CFH: variants seen among roughly 807,000 people sequenced by gnomAD.
The protein encoded by CFH is H factor 1 (complement).
CFH carries 53 observed loss-of-function variants against 147.3 expected under a neutral mutation model. That is an observed-to-expected ratio of 0.36 (90% CI 0.29 to 0.45). The LOEUF is 0.45. CFH is among the 20% of genes least tolerant of loss of function. The probability of loss-of-function intolerance (pLI) is 1.00; values close to 1 mark genes in which losing one functional copy is unlikely to be tolerated. For missense variants in CFH, 1,380 were observed against 1,498.0 expected (o/e 0.92, Z 1.30); for synonymous variants, 536 against 489.4 (o/e 1.10, Z -1.26).
rs375599866 is a variant in CFH, at chr1:196,668,535, CAT to C, written c.59-4442_59-4441del. 2.7e-3 allele frequency among the ~76,000 whole-genome samples: 405 copies of C among 152,240 alleles called. 2 individuals carry two copies. Among genetic ancestry groups the C allele is most frequent in the East Asian group, 0.014 (70 of 5,170 alleles). ...TAAATTATAATCTCCATAATCATCA[CAT>C]GTCAAGGGAGGAACTCAGTGGGAGG... On this transcript the variant is annotated intron_variant, in intron 1 of 21. Coordinates refer to ENST00000367429, the MANE Select transcript of CFH (RefSeq NM_000186.4).
intron 19 of CFH, among the ~76,000 whole-genome samples, chr1:196,742,567 G>A (rs1402291062): frequency 6.6e-6 from 1 of 152,112 alleles, no homozygotes; most frequent in African/African-American, 2.4e-5. Context: ...ATTAATCTTA[G>A]CTCAATAGTT....
intron 1 of CFH, among the ~76,000 whole-genome samples, chr1:196,665,202 A>G (rs1238208565): frequency 1.3e-5 from 2 of 151,668 alleles, no homozygotes; most frequent in Non-Finnish European, 2.9e-5. Flanking sequence ...TGTTAAGAAT[A>G]ATTTTTCAGT....
At position 196,730,767 on chromosome 1, in the gene CFH, G is replaced by A. The variant is rs1265078743; in HGVS notation, c.2413+2245G>A. Among the ~76,000 whole-genome samples the A allele has an allele frequency of 2.6e-5, 4 of 151,648 alleles. No individual in the cohort carries two copies. In the South Asian group the frequency reaches 6.2e-4, roughly 24 times the overall value. On this transcript the variant is annotated intron_variant, in intron 15 of 21. Transcript: ENST00000367429. ...ATATATTTAGTTGCTTTGATGTTGGGTGCATATATAGGTTTATAATAGTTG... is the reference window on the plus strand; with the variant it reads ...ATATATTTAGTTGCTTTGATGTTGGATGCATATATAGGTTTATAATAGTTG...
chr1:196,720,608 CATG>C, intron 11 of CFH, among the ~76,000 whole-genome samples: 1 of 152,014 alleles, frequency 6.6e-6, no homozygotes, highest in East Asian at 1.9e-4. Context: ...CTTCTGAAGG[CATG>C]ATTTTATTCT....
intron 1 of CFH, among the ~76,000 whole-genome samples, chr1:196,664,168 G>C (rs561976459): frequency 9.9e-5 from 15 of 152,028 alleles, no homozygotes; most frequent in African/African-American, 3.6e-4. Context: ...AGACCCTCCT[G>C]TCCCAGCCTC....
At chr1:196,705,852 G>A (rs1048663) in intron 9 of CFH, among the ~76,000 whole-genome samples, 24,572 of 152,078 alleles carry the variant, frequency 0.16, 2,498 homozygotes, top group East Asian at 0.48. Flanking sequence ...GACTGAATAG[G>A]TATCAGGTCA....
intron 12 of CFH, among the ~76,000 whole-genome samples, chr1:196,725,936 A>G (rs1669126405): frequency 6.6e-6 from 1 of 152,210 alleles, no homozygotes; most frequent in Non-Finnish European, 1.5e-5. Flanking sequence ...CATTTAAACC[A>G]TACTAGTGGC....
chr1:196,740,214 G>A (rs968794608), intron 17 of CFH, among the ~76,000 whole-genome samples: 1 of 152,134 alleles, frequency 6.6e-6, no homozygotes, highest in African/African-American at 2.4e-5. Context: ...TCTGCAAGTT[G>A]TCATGTTTGC....
chr1:196,684,652 C>T (rs1314783541), intron 6 of CFH, among the ~76,000 whole-genome samples: 3 of 151,926 alleles, frequency 2.0e-5, no homozygotes, highest in Non-Finnish European at 4.4e-5. Context: ...ACAGTTACTT[C>T]AAAGAGGAAG....
At chr1:196,706,975 A>T (rs399469) in intron 9 of CFH, among the ~76,000 whole-genome samples, 100,882 of 151,390 alleles carry the variant, frequency 0.67, 34,511 homozygotes, top group East Asian at 0.95. Context: ...TGTCTGAGCT[A>T]ATGAGAGCCT....
chr1:196,689,089 C>T (rs1667935224), intron 7 of CFH, among the ~76,000 whole-genome samples: 1 of 151,910 alleles, frequency 6.6e-6, no homozygotes. Context: ...ATTTCTCAAC[C>T]GAAAAGCTTA....
In CFH at chr1:196,741,903, T is replaced by A; in HGVS notation, c.2985T>A (p.Phe995Leu). Residue 995 changes from phenylalanine (F) to leucine (L), a missense_variant, in exon 19 of 22, where the codon TTT becomes TTA. By Grantham distance (22) the Phe-to-Leu change is conservative. This residue lies in a region of CFH where 830 missense variants were observed against 821.4 expected (regional missense o/e 1.01). Transcript: ENST00000367429. The stretch of plus-strand genomic sequence containing the variant: ...CAGATTGTCTCAGTTTACCTAGCTT[T>A]GAAAATGCCATACCCATGGGAGAGA... ...IKTDCLSLPSFENAIPMGEKK... is the reference protein window; with the variant it reads ...IKTDCLSLPSLENAIPMGEKK... 6.2e-7 allele frequency: 1 copy of A among 1,614,192 alleles called. No individual in the cohort carries two copies. Among genetic ancestry groups the A allele is most frequent in the Admixed American group, 1.7e-5 (1 of 60,022 alleles).
chr1:196,702,832 G>T (rs1423217207), intron 9 of CFH, among the ~76,000 whole-genome samples: 1 of 152,070 alleles, frequency 6.6e-6, no homozygotes, highest in Non-Finnish European at 1.5e-5. Context: ...CTCTGCAAGG[G>T]AGTGCCCAAG....
At chr1:196,685,036 A>G (rs1432414363) in intron 6 of CFH, 28 bp from the exon 7 acceptor site, 2 of 1,509,648 alleles carry the variant, frequency 1.3e-6, no homozygotes, top group Non-Finnish European at 1.8e-6. Flanking sequence ...TTATTTCTGC[A>G]TTATCCATAT....
At chr1:196,731,143 CTTTG>C (rs1299102494) in intron 15 of CFH, among the ~76,000 whole-genome samples, 2 of 151,080 alleles carry the variant, frequency 1.3e-5, no homozygotes, top group African/African-American at 4.9e-5. Context: ...TTTTAAAATT[CTTTG>C]TTTCTTTCTT....
chr1:196,707,945 A>C (rs540818887), intron 9 of CFH, among the ~76,000 whole-genome samples: 1 of 152,294 alleles, frequency 6.6e-6, no homozygotes, highest in Admixed American at 6.5e-5. Flanking sequence ...ATAATTGCCT[A>C]GATAATTACA....
chr1:196,666,013 G>T (rs558874587), intron 1 of CFH, among the ~76,000 whole-genome samples: 2 of 152,202 alleles, frequency 1.3e-5, no homozygotes, highest in African/African-American at 4.8e-5. Context: ...TTGGCTTGAA[G>T]GAAAATACAG....
intron 1 of CFH, among the ~76,000 whole-genome samples, chr1:196,669,146 G>T (rs1239948596): frequency 6.6e-6 from 1 of 152,108 alleles, no homozygotes; most frequent in Non-Finnish European, 1.5e-5. Context: ...GCAACATTTT[G>T]CCCCTTCCCT....
intron 1 of CFH, among the ~76,000 whole-genome samples, chr1:196,672,580 A>T (rs907141094): frequency 1.3e-5 from 2 of 152,208 alleles, no homozygotes; most frequent in Non-Finnish European, 2.9e-5. Context: ...TTGAGAACAG[A>T]TAGTTTGTTT....
Sources: allele counts gnomAD v4.1 joint callset (sites outside exome capture counted in the v4.1 genomes callset), GRCh38; gene constraint gnomAD v4.1.1; regional missense constraint gnomAD v4.1.1; transcripts MANE v1.5; gene names NCBI Gene and HGNC (gene_info 2026-07-23, HGNC 2026-07-21).